XYLB: variants seen among roughly 807,000 people sequenced by gnomAD.
The protein encoded by XYLB is xylulokinase, also known as xylulose kinase.
Under a neutral mutation model 78.7 loss-of-function variants are expected in XYLB, and 62 were observed. The ratio of observed to expected loss-of-function variants is 0.79; its 90% CI spans 0.64 to 0.97. XYLB has a LOEUF of 0.97. Ranked by LOEUF, XYLB falls within the 50% of genes least tolerant of loss-of-function variation. The probability of loss-of-function intolerance (pLI) is 0.00; values close to 1 mark genes in which losing one functional copy is unlikely to be tolerated. For missense variants in XYLB, 687 were observed against 676.8 expected (o/e 1.02, Z -0.17); for synonymous variants, 245 against 247.4 (o/e 0.99, Z 0.09).
chr3:38,376,280 G>T, intron 13 of XYLB, 48 bp downstream of exon 13: 3 of 1,395,232 alleles, frequency 2.2e-6, no homozygotes, highest in South Asian at 2.3e-5. Flanking sequence ...AGCAGCTGCC[G>T]ACTGGAGGGG....
intron 2 of XYLB, chr3:38,355,961 A>G (rs1705624277): frequency 1.7e-6 from 1 of 593,746 alleles, no homozygotes; most frequent in Non-Finnish European, 3.0e-6. Context: ...TTTTAAAGAA[A>G]ATACTGGGGC....
Position 38,346,931 on chromosome 3 carries a change from G to A in XYLB, c.57+6G>A, listed in dbSNP as rs989771206. ...GGGACTTCAGCACGCAGCAGGTACA[G>A]TCGCCTGGCCGCAGGGCCACGGGGC... On this transcript the variant is annotated splice_donor_region_variant and intron_variant, in intron 1 of 18. Transcript: ENST00000207870. The A allele has an allele frequency of 2.1e-5, 31 of 1,479,634 alleles. No individual in the cohort carries two copies. Among genetic ancestry groups the A allele is most frequent in the African/African-American group, 2.9e-5 (2 of 68,788 alleles). 91.7% of individuals were successfully genotyped at this position (1,479,634 alleles called of 1,614,324 possible).
chr3:38,348,339 C>T (rs1402627069), intron 1 of XYLB, among the ~76,000 whole-genome samples: 1 of 152,150 alleles, frequency 6.6e-6, no homozygotes, highest in African/African-American at 2.4e-5. Context: ...TCCTACTTAG[C>T]CTCAGTTTCT....
intron 6 of XYLB, 146 bp downstream of exon 6, chr3:38,365,882 C>G: frequency 7.9e-7 from 1 of 1,273,548 alleles, no homozygotes; most frequent in Non-Finnish European, 1.0e-6. Context: ...GGGTCCTGAT[C>G]CAGGCCACCT....
chr3:38,398,110 A>G (rs79834959), intron 17 of XYLB, among the ~76,000 whole-genome samples: 64,774 of 150,780 alleles, frequency 0.43, 16,353 homozygotes, highest in Non-Finnish European at 0.58. Flanking sequence ...GAGCCACCGC[A>G]CCCGGCCTAA....
chr3:38,409,238 A>G (rs1185627505), intron 18 of XYLB, among the ~76,000 whole-genome samples: 2 of 152,254 alleles, frequency 1.3e-5, no homozygotes, highest in Non-Finnish European at 2.9e-5. Context: ...CAATATATGC[A>G]AATCAATAAA....
At chr3:38,392,039 C>T (rs1202333034) in intron 15 of XYLB, among the ~76,000 whole-genome samples, 1 of 152,146 alleles carries the variant, frequency 6.6e-6, no homozygotes, top group Non-Finnish European at 1.5e-5. Context: ...CACTAATGAG[C>T]ACTTCTTTAC....
rs200569385 is a variant in XYLB at position 38,397,109 on chromosome 3, T to C, written c.1388T>C (p.Ile463Thr). 11 of 1,614,202 alleles carry C rather than the reference T, an allele frequency of 6.8e-6. No individual in the cohort carries two copies. Among genetic ancestry groups the C allele is most frequent in the Non-Finnish European group, 8.5e-7 (1 of 1,180,032 alleles). The change falls in exon 17 of 19, where the codon ATA becomes ACA. Residue 463 changes from isoleucine to threonine, a missense_variant. Coordinates refer to ENST00000207870, the MANE Select transcript of XYLB (RefSeq NM_005108.4). ...ADVFDAPVYV[I>T]DTANSACVGS... ...GTGTTTGATGCCCCGGTGTATGTTA[T>C]AGACACTGCCAACTCGGCCTGTGTG...
chr3:38,376,819 A>G lies in XYLB; in HGVS notation c.1121-99A>G, dbSNP rs1706880636. 6 of 953,962 alleles carry G rather than the reference A, an allele frequency of 6.3e-6. No individual in the cohort carries two copies. The Admixed American group carries it at 1.3e-4, about 21-fold the overall frequency. 59.1% of individuals were successfully genotyped at this position (953,962 alleles called of 1,614,324 possible). On this transcript the variant is annotated intron_variant, in intron 13 of 18. Coordinates refer to ENST00000207870, the MANE Select transcript of XYLB (RefSeq NM_005108.4). ...GGGGGATGAAAGAGCCAGGGGACCC[A>G]GGGATATGGGGTCATTTTGTCCTGT...
intron 18 of XYLB, among the ~76,000 whole-genome samples, chr3:38,411,647 T>TAAAAAAA (rs201414004): frequency 7.0e-6 from 1 of 142,068 alleles, no homozygotes. Context: ...ATAAAGGATT[T>TAAAAAAA]AAAAAAAAAA....
At chr3:38,347,797 T>G (rs952124599) in intron 1 of XYLB, among the ~76,000 whole-genome samples, 11 of 152,190 alleles carry the variant, frequency 7.2e-5, no homozygotes, top group Non-Finnish European at 1.3e-4. Context: ...AGAGGAGCAG[T>G]GTGCTGCTGC....
the XYLB span, among the ~76,000 whole-genome samples, chr3:38,434,940 C>G: frequency 6.6e-6 from 1 of 152,160 alleles, no homozygotes; most frequent in East Asian, 1.9e-4. Context: ...CAAGACCAGC[C>G]TGGCTAACAT....
chr3:38,405,982 G>A (rs571037228), intron 18 of XYLB, among the ~76,000 whole-genome samples: 2 of 152,360 alleles, frequency 1.3e-5, no homozygotes, highest in African/African-American at 2.4e-5. Flanking sequence ...AAAGACAGCA[G>A]TAACCTCTGC....
intron 2 of XYLB, chr3:38,356,327 A>G (rs1705652526): frequency 6.5e-6 from 1 of 153,028 alleles, no homozygotes; most frequent in South Asian, 2.1e-4. Flanking sequence ...TCACCTTTTA[A>G]AATGTACAAT....
chr3:38,412,042 G>A (rs888584902), intron 18 of XYLB, among the ~76,000 whole-genome samples: 1 of 150,212 alleles, frequency 6.7e-6, no homozygotes, highest in Non-Finnish European at 1.5e-5. Context: ...CCAGGCTGGA[G>A]TGCAGTGGTG....
At chr3:38,405,977 C>T (rs1708303647) in intron 18 of XYLB, among the ~76,000 whole-genome samples, 1 of 152,246 alleles carries the variant, frequency 6.6e-6, no homozygotes, top group Admixed American at 6.5e-5. Context: ...AACAAAAAGA[C>T]AGCAGTAACC....
intron 6 of XYLB, among the ~76,000 whole-genome samples, chr3:38,366,329 C>T (rs572961366): frequency 1.8e-4 from 27 of 152,130 alleles, no homozygotes; most frequent in African/African-American, 6.3e-4. Context: ...TCAGAACAGT[C>T]ACCGTGCTGT....
intron 17 of XYLB, among the ~76,000 whole-genome samples, chr3:38,397,617 G>A (rs1707930671): frequency 1.3e-5 from 2 of 151,982 alleles, no homozygotes; most frequent in Non-Finnish European, 1.5e-5. Flanking sequence ...TGGAGGCCTC[G>A]CTAAAACTCT....
intron 2 of XYLB, among the ~76,000 whole-genome samples, chr3:38,351,760 G>A (rs555058384): frequency 9.9e-5 from 15 of 152,216 alleles, no homozygotes; most frequent in Admixed American, 9.8e-4. Flanking sequence ...TTGTATAGAT[G>A]GAATCATAAT....
Sources: allele counts gnomAD v4.1 joint callset (sites outside exome capture counted in the v4.1 genomes callset), GRCh38; gene constraint gnomAD v4.1.1; transcripts MANE v1.5; gene names NCBI Gene and HGNC (gene_info 2026-07-23, HGNC 2026-07-21).